The following KLRG1 variants were observed in gnomAD, a reference collection of about 807,000 sequenced individuals.
The protein encoded by KLRG1 is killer cell lectin-like receptor subfamily G member 1.
A neutral mutation model predicts 21.8 loss-of-function variants in KLRG1; 16 were observed. That is an observed-to-expected ratio of 0.73 (90% CI 0.50 to 1.11). The LOEUF (loss-of-function observed/expected upper bound fraction) is 1.11. Among genes scored for constraint, KLRG1 ranks in the 50% most tolerant of loss-of-function variants. The pLI is 0.00. For synonymous variants in KLRG1, 69 were observed against 75.9 expected, an observed-to-expected ratio of 0.91 and a Z score of 0.47; for missense variants, 173 against 218.3, an observed-to-expected ratio of 0.79 and a Z score of 1.31.
At chr12:9,187,942 C>A in the KLRG1 span, among the ~76,000 whole-genome samples, 7 of 152,226 alleles carry the variant, frequency 4.6e-5, no homozygotes, top group African/African-American at 1.4e-4. Flanking sequence ...AGCCTGAAAA[C>A]CCTGATGGGG....
the KLRG1 span, among the ~76,000 whole-genome samples, chr12:9,056,719 A>G: frequency 6.6e-6 from 1 of 151,814 alleles, no homozygotes; most frequent in Non-Finnish European, 1.5e-5. Context: ...GGCTGATTTT[A>G]TTTTTCAATT....
At chr12:9,147,962 G>C in the KLRG1 span, among the ~76,000 whole-genome samples, 2 of 151,802 alleles carry the variant, frequency 1.3e-5, no homozygotes, top group Non-Finnish European at 2.9e-5. Flanking sequence ...TGTTTCTGTA[G>C]ATAGGATAAT....
chr12:9,046,648 T>C, the KLRG1 span, among the ~76,000 whole-genome samples: 148 of 152,340 alleles, frequency 9.7e-4, 1 homozygote, highest in Non-Finnish European at 2.9e-4. Flanking sequence ...TAGAATTGTA[T>C]ATTTAGGTAA....
At chr12:9,012,419 C>A (rs1309098807), downstream of KLRG1, among the ~76,000 whole-genome samples, 1 of 152,050 alleles carries the variant, frequency 6.6e-6, no homozygotes, top group Non-Finnish European at 1.5e-5. Flanking sequence ...CCAGTCCAGG[C>A]AGGATTCATC....
chr12:9,096,162 C>T, the KLRG1 span, among the ~76,000 whole-genome samples: 1 of 152,162 alleles, frequency 6.6e-6, no homozygotes, highest in East Asian at 1.9e-4. Context: ...GGGTATGGAT[C>T]ATTTTCTTGA....
chr12:8,962,909 A>G (rs1946404415), intron 1 of KLRG1, among the ~76,000 whole-genome samples: 1 of 152,122 alleles, frequency 6.6e-6, no homozygotes, highest in Non-Finnish European at 1.5e-5. Context: ...AATTTTTCCA[A>G]ATGAGATAAA....
the KLRG1 span, among the ~76,000 whole-genome samples, chr12:9,035,963 A>C: frequency 6.6e-6 from 1 of 152,206 alleles, no homozygotes; most frequent in Non-Finnish European, 1.5e-5. Flanking sequence ...AGGGAGGCAG[A>C]GTGGAACAAA....
At chr12:9,157,380 T>A in the KLRG1 span, 1 of 1,599,754 alleles carries the variant, frequency 6.3e-7, no homozygotes, top group Non-Finnish European at 8.5e-7. Context: ...TGTGGTTGTG[T>A]CAAACTAGGG....
At chr12:9,109,326 A>G in the KLRG1 span, 1 of 1,611,108 alleles carries the variant, frequency 6.2e-7, no homozygotes, top group Admixed American at 1.7e-5. Context: ...CTCACAGGCC[A>G]CACACTGATA....
chr12:9,034,541 G>A, the KLRG1 span, among the ~76,000 whole-genome samples: 1 of 151,846 alleles, frequency 6.6e-6, no homozygotes. Context: ...CGCCTCCCCG[G>A]TTCCAGCGAT....
chr12:9,150,656 A>G, the KLRG1 span: 21 of 1,602,650 alleles, frequency 1.3e-5, no homozygotes, highest in Non-Finnish European at 1.8e-5. Flanking sequence ...GTCTCATAGT[A>G]ATCATAGACT....
At chr12:9,193,606 T>C in the KLRG1 span, among the ~76,000 whole-genome samples, 147,016 of 152,264 alleles carry the variant, frequency 0.97, 71,208 homozygotes, top group East Asian at 1. Context: ...TGTTATTTAT[T>C]GACACTGAAA....
chr12:9,046,030 G>A, the KLRG1 span, among the ~76,000 whole-genome samples: 3 of 152,270 alleles, frequency 2.0e-5, no homozygotes, highest in Admixed American at 6.5e-5. Context: ...TGGGGCCTGT[G>A]GGGGGCAGGT....
the KLRG1 span, chr12:9,202,526 T>C: frequency 5.0e-6 from 8 of 1,613,926 alleles, no homozygotes; most frequent in Non-Finnish European, 6.8e-6. Context: ...CCTACTTACC[T>C]GTCTGTCCTG....
Position 9,008,879 on chromosome 12 carries a change from AATTAC to A in KLRG1, c.358-95_358-91del. 15 of 769,462 alleles carry A rather than the reference AATTAC, an allele frequency of 1.9e-5. 1 individual carries two copies. The South Asian group carries it at 2.6e-4, about 13-fold the overall frequency. 47.7% of individuals were successfully genotyped at this position (769,462 alleles called of 1,614,324 possible). On this transcript the variant is annotated intron_variant, in intron 3 of 4. Coordinates refer to ENST00000356986, the MANE Select transcript of KLRG1 (RefSeq NM_005810.4). ...AGGAATGCTAGTTTGTCTTTTAATTAATTACTTAACTTAGTATTAGGAATCCAATG... is the reference window on the plus strand; with the variant it reads ...AGGAATGCTAGTTTGTCTTTTAATTATTAACTTAGTATTAGGAATCCAATG...
chr12:8,975,244 T>A (rs1946639480), intron 1 of KLRG1, among the ~76,000 whole-genome samples: 1 of 152,098 alleles, frequency 6.6e-6, no homozygotes, highest in Non-Finnish European at 1.5e-5. Flanking sequence ...TACTATTAAT[T>A]TTTCTTTAAA....
At chr12:9,061,320 T>C in the KLRG1 span, among the ~76,000 whole-genome samples, 1 of 152,118 alleles carries the variant, frequency 6.6e-6, no homozygotes, top group Non-Finnish European at 1.5e-5. Context: ...TGCTATGTTT[T>C]CCAGATGTTT....
At chr12:9,104,094 A>G in the KLRG1 span, 1 of 819,440 alleles carries the variant, frequency 1.2e-6, no homozygotes, top group Non-Finnish European at 1.8e-6. Context: ...ATAAACTTTA[A>G]AAAAGTTAAC....
the KLRG1 span, chr12:9,166,948 T>C: frequency 6.6e-6 from 1 of 152,236 alleles, no homozygotes; most frequent in African/African-American, 2.4e-5. Flanking sequence ...TCCCATCTGA[T>C]ATTTCAGAAA....
Sources: allele counts gnomAD v4.1 joint callset (sites outside exome capture counted in the v4.1 genomes callset), GRCh38; gene constraint gnomAD v4.1.1; transcripts MANE v1.5; gene names NCBI Gene and HGNC (gene_info 2026-07-23, HGNC 2026-07-21).